Variants in METTL22 observed in about 807,000 individuals in gnomAD.
METTL22 encodes the protein methyltransferase 22, Kin17 lysine.
METTL22 carries 51 observed loss-of-function variants against 48.4 expected under a neutral mutation model. That is an observed-to-expected ratio of 1.05 (90% CI 0.84 to 1.33). The LOEUF is 1.33. Ranked by LOEUF, METTL22 falls within the 40% of genes most tolerant of loss-of-function variation. The pLI, the probability that METTL22 is intolerant of heterozygous loss-of-function variation, is 0.00. For synonymous variants in METTL22, 255 were observed against 214.1 expected, an observed-to-expected ratio of 1.19 and a Z score of -1.67; for missense variants, 678 against 526.9, an observed-to-expected ratio of 1.29 and a Z score of -2.81.
At chr16:8,641,950 G>A (rs2056631747) in intron 7 of METTL22, 177 bp from the exon 8 acceptor site, 1 of 633,006 alleles carries the variant, frequency 1.6e-6, no homozygotes. Context: ...CCATGACTCT[G>A]CACCCGGGCA....
At chr16:8,638,939 G>A (rs758616366) in intron 5 of METTL22, 152 bp from the exon 6 acceptor site, 117 of 700,272 alleles carry the variant, frequency 1.7e-4, no homozygotes, top group Non-Finnish European at 2.7e-4. Context: ...CTTAAGGTGA[G>A]GGTATTTAAT....
At chr16:8,638,413 C>T (rs563118569) in intron 5 of METTL22, among the ~76,000 whole-genome samples, 2 of 152,178 alleles carry the variant, frequency 1.3e-5, no homozygotes, top group Non-Finnish European at 2.9e-5. Context: ...TTTGGTAAAG[C>T]ACTGCTTCTG....
chr16:8,626,283 C>A (rs1031781473), intron 2 of METTL22, among the ~76,000 whole-genome samples: 1 of 152,140 alleles, frequency 6.6e-6, no homozygotes, highest in African/African-American at 2.4e-5. Context: ...TGCTGTCCCC[C>A]CACTTTCATT....
chr16:8,663,329 T>A, the METTL22 span, among the ~76,000 whole-genome samples: 1 of 151,950 alleles, frequency 6.6e-6, no homozygotes, highest in African/African-American at 2.4e-5. Flanking sequence ...CAAGTAGGCG[T>A]CCTGCTCAAC....
intron 5 of METTL22, among the ~76,000 whole-genome samples, chr16:8,636,719 C>G (rs1313451191): frequency 2.0e-5 from 3 of 151,848 alleles, no homozygotes; most frequent in Non-Finnish European, 4.4e-5. Context: ...AATCTGTCAC[C>G]TAGGTTCCTA....
the METTL22 span, among the ~76,000 whole-genome samples, chr16:8,665,872 A>G: frequency 5.3e-5 from 8 of 152,222 alleles, 1 homozygote; most frequent in Admixed American, 5.2e-4. Context: ...TAAGTGAGTA[A>G]ATGGATGAAT....
At chr16:8,654,623 C>A (rs1219876498), downstream of METTL22, among the ~76,000 whole-genome samples, 2 of 152,180 alleles carry the variant, frequency 1.3e-5, no homozygotes, top group African/African-American at 4.8e-5. Flanking sequence ...TAGATCAAGC[C>A]AAGCTTTTGG....
At chr16:8,634,599 A>T (rs1049428499) in intron 3 of METTL22, among the ~76,000 whole-genome samples, 2 of 152,220 alleles carry the variant, frequency 1.3e-5, no homozygotes, top group African/African-American at 4.8e-5. Flanking sequence ...TGAGAAAATA[A>T]TGAAGTTAAG....
At chr16:8,622,562 G>A (rs530865823) in intron 1 of METTL22, among the ~76,000 whole-genome samples, 2 of 152,216 alleles carry the variant, frequency 1.3e-5, no homozygotes, top group South Asian at 2.1e-4. Flanking sequence ...CTGCATTTCC[G>A]GAAAGAGACT....
At chr16:8,642,939 G>A (rs535755743) in intron 9 of METTL22, 14 of 230,294 alleles carry the variant, frequency 6.1e-5, no homozygotes, top group South Asian at 4.6e-4. Context: ...CTGTGGTGCC[G>A]TCTGTCTCTT....
intron 5 of METTL22, among the ~76,000 whole-genome samples, chr16:8,636,112 C>T (rs1484960656): frequency 6.6e-6 from 1 of 152,124 alleles, no homozygotes; most frequent in Non-Finnish European, 1.5e-5. Flanking sequence ...ATCCCCCACC[C>T]CTCCCACCGT....
At chr16:8,666,076 A>G in the METTL22 span, among the ~76,000 whole-genome samples, 22 of 152,236 alleles carry the variant, frequency 1.4e-4, no homozygotes, top group African/African-American at 5.3e-4. Flanking sequence ...TTGCAAGTTC[A>G]CCTGCCTCTA....
chr16:8,645,475 G>A (rs1043188506), intron 10 of METTL22, among the ~76,000 whole-genome samples: 1 of 152,128 alleles, frequency 6.6e-6, no homozygotes, highest in Non-Finnish European at 1.5e-5. Context: ...AATACATGAT[G>A]CCTAAGACGT....
chr16:8,642,406 C>G, intron 8 of METTL22, 57 bp from the exon 9 acceptor site: 1 of 1,542,782 alleles, frequency 6.5e-7, no homozygotes. Flanking sequence ...TCTGAAAAGT[C>G]GATTTCTGTA....
the METTL22 span, among the ~76,000 whole-genome samples, chr16:8,664,995 A>T: frequency 6.6e-6 from 1 of 152,112 alleles, no homozygotes; most frequent in Non-Finnish European, 1.5e-5. Flanking sequence ...GGAGGGACTC[A>T]CTAGGGATCC....
intron 1 of METTL22, among the ~76,000 whole-genome samples, chr16:8,622,773 A>G (rs1182535827): frequency 1.3e-5 from 2 of 152,154 alleles, no homozygotes; most frequent in Admixed American, 1.3e-4. Flanking sequence ...GGGCCTCCTT[A>G]TTCCCAGATA....
intron 3 of METTL22, among the ~76,000 whole-genome samples, chr16:8,630,995 G>T (rs928429696): frequency 6.6e-6 from 1 of 152,192 alleles, no homozygotes; most frequent in Non-Finnish European, 1.5e-5. Flanking sequence ...TACCCACTCA[G>T]AACCACATGG....
rs560945131 is a variant in METTL22 at position 8,635,179 on chromosome 16, C to T, written c.567C>T (p.Gly189=). ...LEDVGKQVWR[G]ALLLADYILF... is the part of the protein sequence containing the mutation. ...CCTCTTCCCTCCAGGTGTGGCGGGGCGCCCTGCTCCTGGCAGACTACATCC... is the reference window on the plus strand; with the variant it reads ...CCTCTTCCCTCCAGGTGTGGCGGGGTGCCCTGCTCCTGGCAGACTACATCC... Residue 189 remains glycine (G), a synonymous_variant, in exon 5 of 11, where the codon GGC becomes GGT. Coordinates refer to ENST00000381920, the MANE Select transcript of METTL22 (RefSeq NM_024109.4). The T allele has an allele frequency of 2.6e-4, 418 of 1,609,208 alleles. No homozygotes were observed. Among genetic ancestry groups the T allele is most frequent in the Non-Finnish European group, 3.4e-4 (405 of 1,177,696 alleles).
At chr16:8,651,010 G>C (rs1220642803), downstream of METTL22, among the ~76,000 whole-genome samples, 1 of 152,032 alleles carries the variant, frequency 6.6e-6, no homozygotes, top group African/African-American at 2.4e-5. Context: ...GACAGAGCGA[G>C]ACTCCGTCTC....
Sources: allele counts gnomAD v4.1 joint callset (sites outside exome capture counted in the v4.1 genomes callset), GRCh38; gene constraint gnomAD v4.1.1; transcripts MANE v1.5; gene names NCBI Gene and HGNC (gene_info 2026-07-23, HGNC 2026-07-21).